Variants in LIMS1 observed in about 807,000 individuals in gnomAD.
The protein encoded by LIMS1 is LIM zinc finger domain containing 1.
In LIMS1, 18 loss-of-function variants were observed where a neutral mutation model predicts 44.1. The ratio of observed to expected loss-of-function variants is 0.41; its 90% CI spans 0.28 to 0.61. LIMS1 has a LOEUF of 0.61. Among genes scored for constraint, LIMS1 ranks in the 20% least tolerant of loss-of-function variants. The pLI is 0.32. For missense variants in LIMS1, 201 were observed against 422.0 expected (o/e 0.48, Z 4.59); for synonymous variants, 93 against 149.1 (o/e 0.62, Z 2.74).
At chr2:108,642,901 CT>C (rs1689803385) in intron 1 of LIMS1, among the ~76,000 whole-genome samples, 1 of 152,198 alleles carries the variant, frequency 6.6e-6, no homozygotes, top group African/African-American at 2.4e-5. Context: ...CAGGACACTA[CT>C]GTGTGCCAAC....
chr2:108,595,559 A>C (rs1686634890), intron 1 of LIMS1, among the ~76,000 whole-genome samples: 1 of 152,054 alleles, frequency 6.6e-6, no homozygotes, highest in South Asian at 2.1e-4. Context: ...GATTCTGCCT[A>C]CTTTGTTGCC....
chr2:108,612,158 T>C (rs1195191976), intron 1 of LIMS1, among the ~76,000 whole-genome samples: 1 of 151,334 alleles, frequency 6.6e-6, no homozygotes, highest in African/African-American at 2.4e-5. Flanking sequence ...AGGCCTTTCT[T>C]TTATTAGTCT....
At chr2:108,591,085 G>A (rs1038992628) in intron 1 of LIMS1, among the ~76,000 whole-genome samples, 6 of 152,204 alleles carry the variant, frequency 3.9e-5, no homozygotes, top group African/African-American at 1.4e-4. Context: ...GGAAGCATCT[G>A]TGATGTTGCA....
intron 1 of LIMS1, chr2:108,588,536 G>GT: frequency 1.0e-6 from 1 of 985,644 alleles, no homozygotes; most frequent in Non-Finnish European, 1.2e-6. Context: ...AACTGGGCCT[G>GT]TGTGTGTAAA....
intron 1 of LIMS1, among the ~76,000 whole-genome samples, chr2:108,567,478 G>T (rs768589641): frequency 1.3e-5 from 2 of 152,156 alleles, no homozygotes; most frequent in African/African-American, 2.4e-5. Flanking sequence ...TAAAGTATAT[G>T]ATCATCATAC....
At chr2:108,552,585 G>GGGGTGT (rs896993452) in intron 1 of LIMS1, among the ~76,000 whole-genome samples, 2 of 101,872 alleles carry the variant, frequency 2.0e-5, no homozygotes, top group African/African-American at 6.1e-5. Flanking sequence ...ATATATTTTG[G>GGGGTGT]GTGTGTGTGT....
At chr2:108,594,513 CAGG>C (rs1211823015) in intron 1 of LIMS1, among the ~76,000 whole-genome samples, 14 of 152,136 alleles carry the variant, frequency 9.2e-5, no homozygotes, top group South Asian at 2.1e-4. Flanking sequence ...GGCTGGCCGA[CAGG>C]AGATCGTTTG....
At chr2:108,683,282 T>C (rs1280391037) in intron 9 of LIMS1, among the ~76,000 whole-genome samples, 2 of 152,172 alleles carry the variant, frequency 1.3e-5, no homozygotes, top group African/African-American at 4.8e-5. Context: ...ATTCACATTA[T>C]AAAAATATGA....
intron 2 of LIMS1, among the ~76,000 whole-genome samples, chr2:108,663,955 T>C (rs1484646959): frequency 6.6e-6 from 1 of 152,050 alleles, no homozygotes; most frequent in Non-Finnish European, 1.5e-5. Flanking sequence ...GGTTTCTCCA[T>C]GTTGGTCAGG....
chr2:108,550,096 CAT>C lies in LIMS1; in HGVS notation c.32+15505_32+15506del, dbSNP rs1250946971. Among the ~76,000 whole-genome samples, 11 of 152,118 alleles carry C rather than the reference CAT, an allele frequency of 7.2e-5. 1 individual carries two copies. In the South Asian group the frequency reaches 1.2e-3, roughly 17 times the overall value. ...GCTTTGTAATATTTTAATGTCATGA[CAT>C]ATTATTCAGAAAAACAGGATGTGAA... On this transcript the variant is annotated intron_variant, in intron 1 of 9. Transcript: ENST00000544547.
chr2:108,588,732 G>T, intron 1 of LIMS1: 1 of 478,750 alleles, frequency 2.1e-6, no homozygotes. Context: ...TGCAGAAAGG[G>T]TCTTGGGTGA....
chr2:108,657,681 T>C (rs1340381619), intron 1 of LIMS1, among the ~76,000 whole-genome samples: 1 of 152,312 alleles, frequency 6.6e-6, no homozygotes, highest in Non-Finnish European at 1.5e-5. Flanking sequence ...CATTTTAACA[T>C]GAGGCTTGGG....
intron 1 of LIMS1, among the ~76,000 whole-genome samples, chr2:108,641,686 ATTTC>A (rs1689678395): frequency 6.6e-6 from 1 of 152,184 alleles, no homozygotes; most frequent in South Asian, 2.1e-4. Flanking sequence ...AATGTACATT[ATTTC>A]TTTATCACTG....
chr2:108,641,609 A>G (rs1295379051), intron 1 of LIMS1, among the ~76,000 whole-genome samples: 9 of 152,244 alleles, frequency 5.9e-5, no homozygotes. Context: ...TAATAATCCC[A>G]ATAAGCAATG....
At chr2:108,683,809 T>TA (rs1489482189) in intron 9 of LIMS1, 76 bp from the exon 10 acceptor site, 2 of 733,596 alleles carry the variant, frequency 2.7e-6, no homozygotes, top group East Asian at 2.7e-5. Flanking sequence ...TCAGTACAAT[T>TA]ACTGCACATC....
chr2:108,613,340 C>A (rs1021402636), intron 1 of LIMS1, among the ~76,000 whole-genome samples: 1 of 152,148 alleles, frequency 6.6e-6, no homozygotes, highest in Non-Finnish European at 1.5e-5. Context: ...TTTCTGTGGA[C>A]AAGATTAAGG....
intron 1 of LIMS1, among the ~76,000 whole-genome samples, chr2:108,553,102 T>C (rs1684816189): frequency 6.6e-6 from 1 of 152,150 alleles, no homozygotes; most frequent in East Asian, 1.9e-4. Context: ...AAAAGAGTCA[T>C]AATTCATGTG....
intron 9 of LIMS1, 120 bp from the exon 10 acceptor site, chr2:108,683,765 A>C (rs903478157): frequency 5.3e-5 from 25 of 470,300 alleles, no homozygotes; most frequent in African/African-American, 5.0e-4. Context: ...ACTAACATGA[A>C]TATAATATCA....
chr2:108,630,664 C>G (rs1444600249), intron 1 of LIMS1, among the ~76,000 whole-genome samples: 1 of 147,092 alleles, frequency 6.8e-6, no homozygotes, highest in Non-Finnish European at 1.5e-5. Context: ...TGTGTCCCAT[C>G]CAAACATCTA....
Sources: allele counts gnomAD v4.1 joint callset (sites outside exome capture counted in the v4.1 genomes callset), GRCh38; gene constraint gnomAD v4.1.1; transcripts MANE v1.5; gene names NCBI Gene and HGNC (gene_info 2026-07-23, HGNC 2026-07-21).